Variants in AQP9 observed in about 807,000 individuals in gnomAD.
The protein encoded by AQP9 is aquaporin-9.
In AQP9, 19 loss-of-function variants were observed where a neutral mutation model predicts 23.8. That is an observed-to-expected ratio of 0.80 (90% CI 0.56 to 1.17). The LOEUF is 1.17. Among genes scored for constraint, AQP9 ranks in the 50% most tolerant of loss-of-function variants. The pLI is 0.00. For synonymous variants in AQP9, 153 were observed against 131.5 expected (o/e 1.16, Z -1.12); for missense variants, 413 against 362.0 (o/e 1.14, Z -1.14).
At chr15:58,176,849 TCCG>T (rs2140630353) in intron 4 of AQP9, among the ~76,000 whole-genome samples, 1 of 152,166 alleles carries the variant, frequency 6.6e-6, no homozygotes, top group East Asian at 1.9e-4. Context: ...GACCTCATAA[TCCG>T]CCTGCCTAAG....
chr15:58,166,037 CA>C (rs1260474125), intron 1 of AQP9, among the ~76,000 whole-genome samples: 1 of 152,202 alleles, frequency 6.6e-6, no homozygotes, highest in Admixed American at 6.5e-5. Flanking sequence ...ATGCATGGTA[CA>C]AATGGCCTTT....
chr15:58,141,883 T>C (rs572861586), intron 1 of AQP9, among the ~76,000 whole-genome samples: 2 of 152,294 alleles, frequency 1.3e-5, no homozygotes, highest in African/African-American at 4.8e-5. Flanking sequence ...ATGGTCAGGA[T>C]TTAGAGTGAA....
At chr15:58,167,705 TTTTG>T (rs1270313861) in intron 2 of AQP9, among the ~76,000 whole-genome samples, 12 of 151,994 alleles carry the variant, frequency 7.9e-5, no homozygotes, top group African/African-American at 2.2e-4. Flanking sequence ...CATCCTCATT[TTTTG>T]TTTGTTTGTT....
At position 58,173,174 on chromosome 15, in the gene AQP9, G is replaced by T; in HGVS notation, c.345G>T (p.Val115=). Residue 115 remains valine, a synonymous_variant, in exon 3 of 6, where the codon GTG becomes GTT. Coordinates refer to ENST00000219919, the MANE Select transcript of AQP9 (RefSeq NM_020980.5). ...GAGCCCAGTTCTTGGGAGCCTTTGT[G>T]GGGGCTGCAACCGTCTTTGGCATTT... ...YVGAQFLGAF[V]GAATVFGIYY... is the part of the protein sequence containing the mutation. 1 of 1,614,130 alleles carries T rather than the reference G, an allele frequency of 6.2e-7. No individual in the cohort carries two copies.
chr15:58,141,170 G>C (rs2414536), intron 1 of AQP9, among the ~76,000 whole-genome samples: 87,004 of 151,960 alleles, frequency 0.57, 25,241 homozygotes, highest in African/African-American at 0.65. Flanking sequence ...CTGAACTTCA[G>C]AGAATCTCTA....
intron 4 of AQP9, among the ~76,000 whole-genome samples, chr15:58,176,431 T>C (rs1379358006): frequency 1.3e-5 from 2 of 152,004 alleles, no homozygotes; most frequent in Non-Finnish European, 2.9e-5. Flanking sequence ...GGTGGGAGGA[T>C]AGCTTGCACC....
chr15:58,141,355 C>T (rs1897949773), intron 1 of AQP9, among the ~76,000 whole-genome samples: 1 of 152,188 alleles, frequency 6.6e-6, no homozygotes, highest in South Asian at 2.1e-4. Flanking sequence ...GACAGCTTTC[C>T]AGGGCTGGAC....
chr15:58,179,479 T>A, intron 5 of AQP9, 134 bp downstream of exon 5: 1 of 712,412 alleles, frequency 1.4e-6, no homozygotes, highest in Non-Finnish European at 2.3e-6. Flanking sequence ...GTCATAAGCA[T>A]GAGACATTTC....
At chr15:58,175,127 G>T in intron 4 of AQP9, 91 bp downstream of exon 4, 1 of 1,182,012 alleles carries the variant, frequency 8.5e-7, no homozygotes, top group East Asian at 2.4e-5. Flanking sequence ...CAATCAGAAA[G>T]GAGAGATTAT....
intron 4 of AQP9, among the ~76,000 whole-genome samples, chr15:58,176,242 G>C (rs1445410069): frequency 6.6e-6 from 1 of 152,132 alleles, no homozygotes; most frequent in African/African-American, 2.4e-5. Flanking sequence ...GACAGAGCTG[G>C]GCACGGTGGT....
chr15:58,140,898 C>T (rs1042039260), intron 1 of AQP9, among the ~76,000 whole-genome samples: 1 of 152,036 alleles, frequency 6.6e-6, no homozygotes, highest in African/African-American at 2.4e-5. Flanking sequence ...ACATGGGCCA[C>T]GGACTGGTAC....
chr15:58,150,068 G>A (rs1371691168), intron 1 of AQP9, among the ~76,000 whole-genome samples: 2 of 152,232 alleles, frequency 1.3e-5, no homozygotes, highest in African/African-American at 4.8e-5. Context: ...TAAGACAGGA[G>A]TCAACAGCTC....
chr15:58,153,597 A>T (rs1489824065), intron 1 of AQP9: 1 of 152,138 alleles, frequency 6.6e-6, no homozygotes, highest in East Asian at 1.9e-4. Flanking sequence ...ATGCCTTTTT[A>T]AAAGCTATAT....
intron 1 of AQP9, among the ~76,000 whole-genome samples, chr15:58,162,070 G>C (rs1311229473): frequency 6.6e-6 from 1 of 152,138 alleles, no homozygotes; most frequent in African/African-American, 2.4e-5. Flanking sequence ...ACATTCCATG[G>C]CTAAGTGTCC....
At chr15:58,142,688 C>T (rs1468849815) in intron 1 of AQP9, among the ~76,000 whole-genome samples, 1 of 152,210 alleles carries the variant, frequency 6.6e-6, no homozygotes, top group Non-Finnish European at 1.5e-5. Context: ...GAGCAAAGGA[C>T]CTATAGGAAA....
In AQP9 at chr15:58,184,404, G is replaced by A; in HGVS notation, c.*269G>A. 1 of 340,134 alleles carries A rather than the reference G, an allele frequency of 2.9e-6. No individual in the cohort carries two copies. The highest frequency in any genetic ancestry group is 5.2e-6 in the Non-Finnish European group (1 of 191,076). The allele number at this position is 340,134 out of a possible 1,614,324, so 21.1% of individuals were successfully genotyped here. ...CTGCCCTGTTTATTTCATCCTCGAT[G>A]GGAATTCTTGCTAGGTAAGCACTAA... is the stretch of plus-strand genomic sequence containing the variant. On this transcript the variant is annotated 3_prime_UTR_variant, in exon 6 of 6. Coordinates refer to ENST00000219919, the MANE Select transcript of AQP9 (RefSeq NM_020980.5).
chr15:58,145,553 C>T (rs1898030448), intron 1 of AQP9, among the ~76,000 whole-genome samples: 1 of 151,092 alleles, frequency 6.6e-6, no homozygotes, highest in Admixed American at 6.6e-5. Flanking sequence ...AATTTTTCTT[C>T]TGAACAACAC....
At chr15:58,141,971 A>G (rs1226941584) in intron 1 of AQP9, among the ~76,000 whole-genome samples, 1 of 152,190 alleles carries the variant, frequency 6.6e-6, no homozygotes, top group African/African-American at 2.4e-5. Flanking sequence ...GGTCTAGTAC[A>G]TTATTTGGAA....
chr15:58,142,208 A>G (rs1435460171), intron 1 of AQP9, among the ~76,000 whole-genome samples: 6 of 152,194 alleles, frequency 3.9e-5, no homozygotes, highest in East Asian at 1.9e-4. Flanking sequence ...TCCTGTTTGA[A>G]TGTTTCCTGA....
Sources: gnomAD v4.1 joint callset for allele counts (sites outside exome capture counted in the v4.1 genomes callset) on GRCh38, gnomAD v4.1.1 for gene constraint, MANE v1.5 for transcripts, NCBI Gene and HGNC (gene_info 2026-07-23, HGNC 2026-07-21) for gene names.